The following MCPH1 variants were observed in gnomAD, a reference collection of about 807,000 sequenced individuals.
The protein encoded by MCPH1 is microcephalin 1.
In MCPH1, 104 loss-of-function variants were observed where a neutral mutation model predicts 84.5. The ratio of observed to expected loss-of-function variants is 1.23; its 90% confidence interval spans 1.05 to 1.45. The LOEUF (loss-of-function observed/expected upper bound fraction) is 1.45. MCPH1 is among the 40% of genes most tolerant of loss of function. The pLI is 0.00. For missense variants in MCPH1, 1,498 were observed against 1,005.7 expected, an observed-to-expected ratio of 1.49 and a Z score of -6.62; for synonymous variants, 514 against 366.8, an observed-to-expected ratio of 1.40 and a Z score of -4.58.
rs764007808 is a variant in MCPH1 at position 6,480,789 on chromosome 8, G to A, written c.2049G>A (p.Thr683=). 4.3e-6 allele frequency: 7 copies of A among 1,614,064 alleles called. No homozygotes were observed. The highest frequency in any genetic ancestry group is 2.2e-5 in the East Asian group (1 of 44,888). Reference sequence around the variant, plus strand: ...TTGCACCAGACGTCTGTGAGACCACGACTCACGTGCTTTCCGGGAAGCCAC... The same window carrying A: ...TTGCACCAGACGTCTGTGAGACCACAACTCACGTGCTTTCCGGGAAGCCAC... ...FSIAPDVCET[T]THVLSGKPLR... is the part of the protein sequence containing the mutation. The change falls in exon 11 of 14, where the codon ACG becomes ACA. Residue 683 remains threonine, a synonymous_variant. Coordinates refer to ENST00000344683, the MANE Select transcript of MCPH1 (RefSeq NM_024596.5).
intron 5 of MCPH1, 146 bp from the exon 6 acceptor site, chr8:6,438,807 G>C: frequency 1.5e-6 from 1 of 687,254 alleles, no homozygotes; most frequent in Non-Finnish European, 2.5e-6. Context: ...GGAGGTGGTG[G>C]AGGTAGAATA....
At chr8:6,506,523 C>G (rs1586201132) in intron 12 of MCPH1, among the ~76,000 whole-genome samples, 1 of 152,310 alleles carries the variant, frequency 6.6e-6, no homozygotes, top group East Asian at 1.9e-4. Flanking sequence ...GCACACCCTT[C>G]TCAAGGAGAG....
At chr8:6,514,913 A>G in intron 12 of MCPH1, 1 of 653,734 alleles carries the variant, frequency 1.5e-6, no homozygotes, top group Non-Finnish European at 2.7e-6. Flanking sequence ...CACGGAGTAG[A>G]CCATCGGGGT....
chr8:6,595,209 A>G (rs1391308181), intron 12 of MCPH1, among the ~76,000 whole-genome samples: 2 of 152,200 alleles, frequency 1.3e-5, no homozygotes, highest in Non-Finnish European at 2.9e-5. Context: ...GGGATATGTC[A>G]GGGAGTGAGA....
At chr8:6,531,424 G>T (rs1410094253) in intron 12 of MCPH1, among the ~76,000 whole-genome samples, 3 of 151,824 alleles carry the variant, frequency 2.0e-5, no homozygotes, top group Non-Finnish European at 4.4e-5. Flanking sequence ...AAGTAGCTGG[G>T]ATTGCAGATG....
chr8:6,524,923 C>T (rs1344381151), intron 12 of MCPH1, among the ~76,000 whole-genome samples: 7 of 152,210 alleles, frequency 4.6e-5, no homozygotes, highest in Non-Finnish European at 1.0e-4. Context: ...CACCTCTGCA[C>T]ATGGCTTCCT....
rs13273206 is a variant in MCPH1 at position 6,567,178 on chromosome 8, A to G, written c.2215-54276A>G. 5.4e-3 allele frequency among the ~76,000 whole-genome samples: 104 copies of G among 19,322 alleles called. 1 individual carries two copies. The highest frequency in any genetic ancestry group is 0.026 in the Middle Eastern group (1 of 38). 12.7% of individuals were successfully genotyped at this position (19,322 alleles called of 152,430 possible). A position where few individuals can be genotyped will look rare whatever the true frequency, so the allele number is the denominator to read the frequency against. On this transcript the variant is annotated intron_variant, in intron 12 of 13. Coordinates refer to ENST00000344683, the MANE Select transcript of MCPH1 (RefSeq NM_024596.5). ...AGTGCCCGTGGCGTGGTGTCCATGT[A>G]TGATCAGCAAGGCCATGGATAGTGC...
At chr8:6,517,600 A>T (rs928255506) in intron 12 of MCPH1, among the ~76,000 whole-genome samples, 10 of 152,170 alleles carry the variant, frequency 6.6e-5, no homozygotes, top group Non-Finnish European at 1.2e-4. Flanking sequence ...CCAGGCAGAG[A>T]AGTTGTCTGG....
chr8:6,522,566 G>A (rs1817566459), intron 12 of MCPH1, among the ~76,000 whole-genome samples: 1 of 152,036 alleles, frequency 6.6e-6, no homozygotes, highest in African/African-American at 2.4e-5. Context: ...TAGAGTCCAG[G>A]AGCTTGAGAG....
rs180980840 is a variant in MCPH1, at chr8:6,515,673, G to A, written c.2214+15744G>A. ...TAAATAATAAAGATTACAGTAGAAC[G>A]AAACATGTTTTCCAGAAAGTAAGAT... On this transcript the variant is annotated intron_variant, in intron 12 of 13. Coordinates refer to ENST00000344683, the MANE Select transcript of MCPH1 (RefSeq NM_024596.5). 1.4e-4 allele frequency among the ~76,000 whole-genome samples: 21 copies of A among 152,274 alleles called. 1 individual carries two copies. Among genetic ancestry groups the A allele is most frequent in the East Asian group, 1.3e-3 (7 of 5,186 alleles).
chr8:6,415,000 C>G (rs576706706), intron 3 of MCPH1, 117 bp downstream of exon 3: 5 of 995,020 alleles, frequency 5.0e-6, no homozygotes, highest in East Asian at 2.8e-5. Context: ...TTCTCTGCCT[C>G]TTACCTCACC....
At chr8:6,618,457 A>G (rs866905171) in intron 12 of MCPH1, 3 of 152,232 alleles carry the variant, frequency 2.0e-5, no homozygotes, top group Admixed American at 2.0e-4. Context: ...CTGCATTACA[A>G]AAAGGTTTAT....
chr8:6,507,140 C>T (rs1370495075), intron 12 of MCPH1, among the ~76,000 whole-genome samples: 1 of 152,174 alleles, frequency 6.6e-6, no homozygotes, highest in South Asian at 2.1e-4. Flanking sequence ...TCAGGTGATC[C>T]ATCCACCTTG....
chr8:6,555,391 A>G (rs1824416986), intron 12 of MCPH1, among the ~76,000 whole-genome samples: 1 of 151,850 alleles, frequency 6.6e-6, no homozygotes, highest in South Asian at 2.1e-4. Flanking sequence ...AACTAGATGT[A>G]TGGTTTGTAA....
At chr8:6,519,920 G>T in intron 12 of MCPH1, 1 of 1,613,630 alleles carries the variant, frequency 6.2e-7, no homozygotes, top group Non-Finnish European at 8.5e-7. Context: ...TTCGTGGTGT[G>T]TCCTGATTTG....
chr8:6,551,842 G>A (rs776899100), intron 12 of MCPH1, among the ~76,000 whole-genome samples: 52 of 152,294 alleles, frequency 3.4e-4, no homozygotes, highest in Non-Finnish European at 5.9e-4. Context: ...ACTTTCTCGA[G>A]CAGAATTTTT....
chr8:6,541,629 A>T (rs1821595149), intron 12 of MCPH1, among the ~76,000 whole-genome samples: 2 of 152,138 alleles, frequency 1.3e-5, no homozygotes, highest in Admixed American at 1.3e-4. Context: ...TACTTTGTTA[A>T]ATTCTCAGCT....
At chr8:6,603,250 T>C (rs1829508790) in intron 12 of MCPH1, among the ~76,000 whole-genome samples, 1 of 152,086 alleles carries the variant, frequency 6.6e-6, no homozygotes, top group Non-Finnish European at 1.5e-5. Context: ...CATGAATAGT[T>C]TCAGAAGGGC....
At chr8:6,555,952 A>G (rs536360115) in intron 12 of MCPH1, among the ~76,000 whole-genome samples, 4 of 152,192 alleles carry the variant, frequency 2.6e-5, no homozygotes, top group African/African-American at 7.2e-5. Flanking sequence ...CATCTCACCT[A>G]TCTAGAGGTG....
Sources: allele counts gnomAD v4.1 joint callset (sites outside exome capture counted in the v4.1 genomes callset), GRCh38; gene constraint gnomAD v4.1.1; transcripts MANE v1.5; gene names NCBI Gene and HGNC (gene_info 2026-07-23, HGNC 2026-07-21).